The following UBE2G1 variants were observed in gnomAD, a reference collection of about 807,000 sequenced individuals.
UBE2G1 encodes ubiquitin conjugating enzyme E2 G1.
UBE2G1 carries 5 observed loss-of-function variants against 22.7 expected under a neutral mutation model. That is an observed-to-expected ratio of 0.22 (90% confidence interval 0.12 to 0.46). The LOEUF is 0.46. Ranked by LOEUF, UBE2G1 falls within the 20% of genes least tolerant of loss-of-function variation. The pLI is 0.99. For synonymous variants in UBE2G1, 74 were observed against 67.5 expected, an observed-to-expected ratio of 1.10 and a Z score of -0.47; for missense variants, 88 against 203.9, an observed-to-expected ratio of 0.43 and a Z score of 3.46.
intron 1 of UBE2G1, among the ~76,000 whole-genome samples, chr17:4,321,755 G>A (rs756827251): frequency 2.0e-5 from 3 of 150,016 alleles, no homozygotes; most frequent in African/African-American, 2.4e-5. Flanking sequence ...CCCAAGTGCC[G>A]GGATTACAGG....
At chr17:4,304,371 A>G (rs181225735) in intron 2 of UBE2G1, among the ~76,000 whole-genome samples, 15 of 152,252 alleles carry the variant, frequency 9.9e-5, no homozygotes, top group Admixed American at 9.8e-4. Context: ...GGTTATCCAT[A>G]CTGTTTGATA....
At chr17:4,284,974 C>T (rs1014639994) in intron 4 of UBE2G1, among the ~76,000 whole-genome samples, 36 of 151,520 alleles carry the variant, frequency 2.4e-4, no homozygotes, top group African/African-American at 6.1e-4. Context: ...GCCTCCGAAG[C>T]GTCTAGGACA....
intron 2 of UBE2G1, chr17:4,302,002 C>T (rs1866174): frequency 0.98 from 483,919 of 493,186 alleles, 238,059 homozygotes; most frequent in East Asian, 1. Flanking sequence ...TACTTAGATG[C>T]GAGAGCAGAG....
chr17:4,274,358 C>T (rs948703994), intron 5 of UBE2G1, among the ~76,000 whole-genome samples: 1 of 152,056 alleles, frequency 6.6e-6, no homozygotes, highest in Non-Finnish European at 1.5e-5. Flanking sequence ...CCACCATGCC[C>T]GGCTAATTTT....
chr17:4,309,532 T>C (rs547239590), intron 1 of UBE2G1, among the ~76,000 whole-genome samples: 1 of 152,380 alleles, frequency 6.6e-6, no homozygotes, highest in South Asian at 2.1e-4. Flanking sequence ...ATATGTGTAC[T>C]GAGCGCCAAC....
chr17:4,294,559 CCAG>C (rs1418597857), intron 3 of UBE2G1, among the ~76,000 whole-genome samples: 1 of 152,048 alleles, frequency 6.6e-6, no homozygotes, highest in East Asian at 1.9e-4. Flanking sequence ...TTTCTTTTTA[CCAG>C]AAGGGAAGTC....
intron 2 of UBE2G1, among the ~76,000 whole-genome samples, chr17:4,306,106 T>C (rs1969246329): frequency 6.6e-6 from 1 of 152,154 alleles, no homozygotes; most frequent in African/African-American, 2.4e-5. Flanking sequence ...AAAGTGACCA[T>C]TAGTTTAGTT....
intron 1 of UBE2G1, among the ~76,000 whole-genome samples, chr17:4,343,943 T>C (rs1969740222): frequency 6.6e-6 from 1 of 152,112 alleles, no homozygotes; most frequent in Non-Finnish European, 1.5e-5. Flanking sequence ...TCTCCTCAGT[T>C]GCAACAGATA....
intron 1 of UBE2G1, among the ~76,000 whole-genome samples, chr17:4,326,883 C>A (rs962752791): frequency 6.6e-6 from 1 of 152,212 alleles, no homozygotes; most frequent in Non-Finnish European, 1.5e-5. Context: ...TACCTTGCAG[C>A]CAGGTGCAGT....
At chr17:4,284,590 G>C (rs888972706) in intron 4 of UBE2G1, among the ~76,000 whole-genome samples, 10 of 151,156 alleles carry the variant, frequency 6.6e-5, no homozygotes, top group African/African-American at 2.4e-4. Flanking sequence ...GACAGAGCGA[G>C]AATCTGTCTC....
chr17:4,352,100 ATT>A (rs1454755550), intron 1 of UBE2G1, among the ~76,000 whole-genome samples: 1 of 152,204 alleles, frequency 6.6e-6, no homozygotes, highest in African/African-American at 2.4e-5. Flanking sequence ...TTTTAAATAT[ATT>A]TGACACATCC....
intron 1 of UBE2G1, among the ~76,000 whole-genome samples, chr17:4,336,834 C>G (rs142466495): frequency 1.0e-3 from 156 of 152,252 alleles, no homozygotes; most frequent in African/African-American, 3.5e-3. Flanking sequence ...ATAAGAGTAT[C>G]ATTTCCTGAA....
intron 5 of UBE2G1, among the ~76,000 whole-genome samples, chr17:4,275,762 A>T (rs1205545611): frequency 1.3e-5 from 2 of 152,194 alleles, no homozygotes; most frequent in African/African-American, 4.8e-5. Context: ...ATACCAATTA[A>T]GTTTTCCCCA....
At chr17:4,347,137 G>C (rs1969786824) in intron 1 of UBE2G1, among the ~76,000 whole-genome samples, 1 of 152,088 alleles carries the variant, frequency 6.6e-6, no homozygotes, top group Non-Finnish European at 1.5e-5. Context: ...CTGGGCAACA[G>C]AGTTACTCCA....
intron 1 of UBE2G1, among the ~76,000 whole-genome samples, chr17:4,335,632 T>G (rs760001680): frequency 4.6e-5 from 7 of 152,230 alleles, no homozygotes; most frequent in Non-Finnish European, 7.3e-5. Context: ...TATTCTAAGA[T>G]GTACCTTTTT....
At chr17:4,333,817 T>C (rs1420711338) in intron 1 of UBE2G1, among the ~76,000 whole-genome samples, 1 of 150,844 alleles carries the variant, frequency 6.6e-6, no homozygotes, top group African/African-American at 2.4e-5. Context: ...AGACTCCGTC[T>C]CAAAAAAAAA....
chr17:4,300,431 T>C (rs1969163890), intron 2 of UBE2G1, among the ~76,000 whole-genome samples: 1 of 151,930 alleles, frequency 6.6e-6, no homozygotes, highest in African/African-American at 2.4e-5. Flanking sequence ...TAATCCCATC[T>C]ACTCAGGAGG....
chr17:4,270,981 A>C lies in UBE2G1; in HGVS notation c.*1573T>G, dbSNP rs1461894803. 6.6e-6 allele frequency: 1 copy of C among 152,180 alleles called. No homozygotes were observed. 9.4% of individuals were successfully genotyped at this position (152,180 alleles called of 1,614,324 possible). A position where few individuals can be genotyped will look rare whatever the true frequency, so the allele number is the denominator to read the frequency against. ...TGCACGAATTCTCACTGATTCTCAC[A>C]ATCAAACACCATGTCCCATCTGCTA... On this transcript the variant is annotated 3_prime_UTR_variant, in exon 6 of 6. Transcript: ENST00000396981.
intron 3 of UBE2G1, among the ~76,000 whole-genome samples, chr17:4,293,537 C>T (rs1401096059): frequency 6.6e-6 from 1 of 152,118 alleles, no homozygotes; most frequent in Non-Finnish European, 1.5e-5. Context: ...TGGTTAGGTT[C>T]CTAGGATGGA....
Sources: gnomAD v4.1 joint callset for allele counts (sites outside exome capture counted in the v4.1 genomes callset) on GRCh38, gnomAD v4.1.1 for gene constraint, MANE v1.5 for transcripts, NCBI Gene and HGNC (gene_info 2026-07-23, HGNC 2026-07-21) for gene names.